The following FMN1 variants were observed in gnomAD, a reference collection of about 807,000 sequenced individuals.
FMN1 encodes formin 1, also known as formin-1.
A neutral mutation model predicts 132.4 loss-of-function variants in FMN1; 110 were observed. That is an observed-to-expected ratio of 0.83 (90% CI 0.71 to 0.97). FMN1 has a LOEUF of 0.97. FMN1 is among the 50% of genes least tolerant of loss of function. The pLI, the probability that FMN1 is intolerant of heterozygous loss-of-function variation, is 0.00. For synonymous variants in FMN1, 722 were observed against 651.7 expected (o/e 1.11, Z -1.64); for missense variants, 1,792 against 1,705.3 (o/e 1.05, Z -0.90).
chr15:32,941,210 A>G (rs192552796), intron 9 of FMN1, among the ~76,000 whole-genome samples: 80 of 152,276 alleles, frequency 5.3e-4, no homozygotes, highest in Admixed American at 2.9e-3. Flanking sequence ...TCTTGGGGGG[A>G]AAAGTGGCTA....
At chr15:32,910,100 A>G (rs2060520849) in intron 11 of FMN1, among the ~76,000 whole-genome samples, 1 of 152,224 alleles carries the variant, frequency 6.6e-6, no homozygotes, top group Non-Finnish European at 1.5e-5. Context: ...ACTAAGAGTA[A>G]TCATCCAAGC....
chr15:33,117,590 C>T lies in FMN1; in HGVS notation c.1868-28616G>A, dbSNP rs2039977098. Among the ~76,000 whole-genome samples, 3 of 152,298 alleles carry T rather than the reference C, an allele frequency of 2.0e-5. No homozygotes were observed. In the South Asian group the frequency reaches 6.2e-4, roughly 32 times the overall value. ...CACCTCAATAAACTTACGGAGTCCA[C>T]TTCAGGGATCAAAATTTATAGATAC... On this transcript the variant is annotated intron_variant, in intron 4 of 20. Transcript: ENST00000616417.
At chr15:32,956,932 T>A (rs2061782360) in intron 9 of FMN1, among the ~76,000 whole-genome samples, 1 of 152,152 alleles carries the variant, frequency 6.6e-6, no homozygotes, top group Non-Finnish European at 1.5e-5. Flanking sequence ...GATTTGAGAA[T>A]TACAGCTATG....
chr15:32,858,960 G>A (rs2059200581), intron 16 of FMN1, among the ~76,000 whole-genome samples: 1 of 152,140 alleles, frequency 6.6e-6, no homozygotes, highest in Non-Finnish European at 1.5e-5. Context: ...CTAGAGTAGT[G>A]TCCAAGGAGC....
At chr15:33,040,259 T>C (rs1375456965) in intron 6 of FMN1, among the ~76,000 whole-genome samples, 1 of 152,238 alleles carries the variant, frequency 6.6e-6, no homozygotes, top group Non-Finnish European at 1.5e-5. Context: ...ATTACTTATG[T>C]AGGACTGATG....
intron 6 of FMN1, among the ~76,000 whole-genome samples, chr15:33,036,386 A>G (rs1299874749): frequency 1.3e-5 from 2 of 152,230 alleles, no homozygotes; most frequent in Non-Finnish European, 2.9e-5. Flanking sequence ...TAGGAATACC[A>G]TGCTATAAGG....
chr15:33,030,113 G>A (rs1429501571), intron 6 of FMN1, among the ~76,000 whole-genome samples: 2 of 152,220 alleles, frequency 1.3e-5, no homozygotes, highest in Non-Finnish European at 2.9e-5. Flanking sequence ...AGCTGAGATT[G>A]CACCACTGCA....
chr15:33,019,538 G>A (rs995407670), intron 6 of FMN1, among the ~76,000 whole-genome samples: 1 of 152,176 alleles, frequency 6.6e-6, no homozygotes, highest in African/African-American at 2.4e-5. Context: ...AGGGGGCGGC[G>A]CTTGTCGGGG....
At chr15:33,059,273 A>T (rs1410089073) in intron 6 of FMN1, among the ~76,000 whole-genome samples, 2 of 152,170 alleles carry the variant, frequency 1.3e-5, no homozygotes, top group African/African-American at 4.8e-5. Flanking sequence ...TATATAACAT[A>T]GTTTATTTAT....
At chr15:33,150,054 A>G (rs1245165388) in intron 4 of FMN1, 1 of 985,370 alleles carries the variant, frequency 1.0e-6, no homozygotes, top group Non-Finnish European at 1.2e-6. Context: ...ATATGCTTCC[A>G]TCACCACATC....
intron 9 of FMN1, among the ~76,000 whole-genome samples, chr15:32,935,651 G>A (rs191427410): frequency 1.8e-3 from 263 of 149,386 alleles, no homozygotes; most frequent in African/African-American, 6.1e-3. Flanking sequence ...TTTTTGAGAC[G>A]GAGTCTTGCT....
At chr15:32,906,064 G>A (rs10519763) in intron 12 of FMN1, among the ~76,000 whole-genome samples, 15,142 of 152,240 alleles carry the variant, frequency 0.099, 974 homozygotes, top group African/African-American at 0.18. Flanking sequence ...GAAAACAAGA[G>A]TAAGTTGTGT....
At chr15:32,872,906 G>A (rs1400867258) in intron 16 of FMN1, among the ~76,000 whole-genome samples, 1 of 151,316 alleles carries the variant, frequency 6.6e-6, no homozygotes, top group African/African-American at 2.4e-5. Context: ...GAATAAAGGA[G>A]AAATGACAGA....
At chr15:32,789,503 C>A (rs769714474) in intron 19 of FMN1, among the ~76,000 whole-genome samples, 2 of 152,156 alleles carry the variant, frequency 1.3e-5, no homozygotes, top group African/African-American at 2.4e-5. Context: ...AGACAGACCT[C>A]ATATATGATG....
chr15:32,863,881 T>C (rs1240160083), intron 16 of FMN1, among the ~76,000 whole-genome samples: 1 of 152,214 alleles, frequency 6.6e-6, no homozygotes, highest in African/African-American at 2.4e-5. Flanking sequence ...CTTGCACAAT[T>C]TTCTTCTTAT....
intron 17 of FMN1, among the ~76,000 whole-genome samples, chr15:32,815,498 A>G (rs17228788): frequency 0.013 from 2,004 of 152,340 alleles, 14 homozygotes; most frequent in Non-Finnish European, 0.019. Context: ...TATGTACACT[A>G]GATAAAATGA....
chr15:32,856,973 G>GT, intron 17 of FMN1, 42 bp downstream of exon 17: 1 of 1,398,094 alleles, frequency 7.2e-7, no homozygotes, highest in Non-Finnish European at 1.0e-6. Flanking sequence ...AATGAAGGAT[G>GT]TTTCAGGGCC....
chr15:32,927,014 T>C (rs1027502185), intron 9 of FMN1, among the ~76,000 whole-genome samples: 21 of 152,136 alleles, frequency 1.4e-4, no homozygotes, highest in African/African-American at 3.9e-4. Flanking sequence ...GCTGATCTGA[T>C]CCCAAACCCT....
chr15:32,844,630 C>T (rs1422603309), intron 17 of FMN1, among the ~76,000 whole-genome samples: 1 of 152,176 alleles, frequency 6.6e-6, no homozygotes, highest in Non-Finnish European at 1.5e-5. Context: ...AGAAATCCAG[C>T]TTATATTCAT....
Sources: gnomAD v4.1 joint callset for allele counts (sites outside exome capture counted in the v4.1 genomes callset) on GRCh38, gnomAD v4.1.1 for gene constraint, MANE v1.5 for transcripts, NCBI Gene and HGNC (gene_info 2026-07-23, HGNC 2026-07-21) for gene names.